The following ADAMTSL1 variants were observed in gnomAD, a reference collection of about 807,000 sequenced individuals.
The protein encoded by ADAMTSL1 is ADAMTS like 1.
Under a neutral mutation model 201.8 loss-of-function variants are expected in ADAMTSL1, and 126 were observed. The observed-to-expected ratio is 0.62, with a 90% CI of 0.54 to 0.72. The LOEUF is 0.72. Among genes scored for constraint, ADAMTSL1 ranks in the 30% least tolerant of loss-of-function variants. ADAMTSL1 has a pLI of 0.00. For missense variants in ADAMTSL1, 2,679 were observed against 2,277.8 expected (o/e 1.18, Z -3.59); for synonymous variants, 1,121 against 903.4 (o/e 1.24, Z -4.32).
At chr9:18,544,639 C>T (rs771436355) in intron 3 of ADAMTSL1, among the ~76,000 whole-genome samples, 4 of 152,102 alleles carry the variant, frequency 2.6e-5, no homozygotes, top group Non-Finnish European at 5.9e-5. Context: ...TTCCAGCTCA[C>T]TTGGGTGATG....
At chr9:18,783,760 T>G (rs1206572495) in intron 19 of ADAMTSL1, among the ~76,000 whole-genome samples, 2 of 152,188 alleles carry the variant, frequency 1.3e-5, no homozygotes, top group Non-Finnish European at 2.9e-5. Context: ...ACTTTTACAT[T>G]TTTAAAAGGT....
chr9:18,908,256 G>C (rs1234678690), intron 28 of ADAMTSL1, 186 bp from the exon 29 acceptor site: 2 of 614,294 alleles, frequency 3.3e-6, no homozygotes, highest in Admixed American at 2.4e-5. Context: ...CCCTGCTGTT[G>C]GCAGCCTTGG....
intron 23 of ADAMTSL1, among the ~76,000 whole-genome samples, chr9:18,886,415 T>G (rs976474701): frequency 6.6e-6 from 1 of 151,722 alleles, no homozygotes; most frequent in Non-Finnish European, 1.5e-5. Context: ...AAAAAATCCC[T>G]TCTCTCTATA....
intron 7 of ADAMTSL1, among the ~76,000 whole-genome samples, chr9:18,651,980 T>A (rs902315877): frequency 6.6e-6 from 1 of 152,136 alleles, no homozygotes; most frequent in East Asian, 1.9e-4. Context: ...TCCTATATAG[T>A]ATCTTCCCTC....
intron 23 of ADAMTSL1, among the ~76,000 whole-genome samples, chr9:18,842,553 T>A (rs1825791037): frequency 1.3e-5 from 2 of 152,204 alleles, no homozygotes; most frequent in Non-Finnish European, 2.9e-5. Flanking sequence ...ATCTATTAGG[T>A]CCGCTTGGTG....
chr9:18,097,941 C>T (rs1047540810), intron 1 of ADAMTSL1, among the ~76,000 whole-genome samples: 1 of 151,388 alleles, frequency 6.6e-6, no homozygotes, highest in African/African-American at 2.4e-5. Flanking sequence ...ATGCTTTTTC[C>T]AAAAGTTTTA....
chr9:18,109,994 A>C (rs138548225), intron 1 of ADAMTSL1, among the ~76,000 whole-genome samples: 209 of 152,318 alleles, frequency 1.4e-3, no homozygotes, highest in African/African-American at 4.7e-3. Flanking sequence ...AGAAAGAGAA[A>C]GAGGAACACA....
chr9:18,334,553 G>C (rs1314752238), intron 2 of ADAMTSL1, among the ~76,000 whole-genome samples: 3 of 152,132 alleles, frequency 2.0e-5, no homozygotes, highest in East Asian at 3.9e-4. Flanking sequence ...AGTCCTAATA[G>C]TGGTGCTATC....
rs140923553 is a variant in ADAMTSL1, at chr9:18,838,174, G to T, written c.4249+8197G>T. Among the ~76,000 whole-genome samples, 769 of 152,156 alleles carry T rather than the reference G, an allele frequency of 5.1e-3. 9 individuals are homozygous for T. The highest frequency in any genetic ancestry group is 0.017 in the African/African-American group (715 of 41,508). On this transcript the variant is annotated intron_variant, in intron 23 of 28. Coordinates refer to ENST00000380548, the MANE Select transcript of ADAMTSL1 (RefSeq NM_001040272.6). ...GGTGGCAGGCAAAGAGAGAGCTTAT[G>T]CAGGGAAAACTCTCATTTTTAAAAC...
chr9:17,939,228 T>C (rs941102375), intron 1 of ADAMTSL1, among the ~76,000 whole-genome samples: 1 of 152,120 alleles, frequency 6.6e-6, no homozygotes, highest in Non-Finnish European at 1.5e-5. Flanking sequence ...TACCTTTCTC[T>C]TGTAAACTAT....
chr9:18,525,777 G>A (rs766286753), intron 2 of ADAMTSL1, among the ~76,000 whole-genome samples: 2 of 152,062 alleles, frequency 1.3e-5, no homozygotes, highest in Non-Finnish European at 2.9e-5. Context: ...TTAATCCTGA[G>A]GTCTAGTTTG....
At chr9:18,386,842 G>T (rs919306979) in intron 2 of ADAMTSL1, among the ~76,000 whole-genome samples, 46 of 152,192 alleles carry the variant, frequency 3.0e-4, no homozygotes, top group African/African-American at 1.1e-3. Context: ...TTTTGAGAAA[G>T]CACAATGAGC....
chr9:18,824,690 C>CA (rs1280745537), intron 21 of ADAMTSL1, among the ~76,000 whole-genome samples: 7 of 75,706 alleles, frequency 9.2e-5, no homozygotes, highest in Non-Finnish European at 1.3e-4. Context: ...GGACTTGACC[C>CA]TTTTTTTTTT....
chr9:18,153,684 G>C (rs1226827739), intron 1 of ADAMTSL1, among the ~76,000 whole-genome samples: 2 of 151,996 alleles, frequency 1.3e-5, no homozygotes, highest in African/African-American at 4.8e-5. Context: ...GTAAAATGCA[G>C]AATGAGGAAT....
intron 2 of ADAMTSL1, among the ~76,000 whole-genome samples, chr9:18,192,623 C>T (rs962126516): frequency 1.3e-5 from 2 of 152,088 alleles, no homozygotes. Flanking sequence ...TTGGAGAAGA[C>T]ATTTCTAAAT....
intron 2 of ADAMTSL1, among the ~76,000 whole-genome samples, chr9:18,308,503 G>T (rs1170539020): frequency 6.6e-6 from 1 of 152,006 alleles, no homozygotes; most frequent in Non-Finnish European, 1.5e-5. Context: ...TGATAAAGAG[G>T]ATATCACCAC....
rs1159433454 is a variant in ADAMTSL1, at chr9:18,533,298, T to C, written c.237+6T>C. ...ACAGAACATGCAGTAATGTGGTAAGTATAAGGTTCTGAGATTGTAATCATG... is the reference window on the plus strand; with the variant it reads ...ACAGAACATGCAGTAATGTGGTAAGCATAAGGTTCTGAGATTGTAATCATG... On this transcript the variant is annotated splice_donor_region_variant and intron_variant, in intron 3 of 28. Coordinates refer to ENST00000380548, the MANE Select transcript of ADAMTSL1 (RefSeq NM_001040272.6). The C allele has an allele frequency of 6.2e-7, 1 of 1,606,048 alleles. No individual in the cohort carries two copies. Among genetic ancestry groups the C allele is most frequent in the Admixed American group, 1.7e-5 (1 of 59,218 alleles).
chr9:18,120,145 T>A (rs1825436422), intron 1 of ADAMTSL1, among the ~76,000 whole-genome samples: 1 of 152,182 alleles, frequency 6.6e-6, no homozygotes, highest in Non-Finnish European at 1.5e-5. Flanking sequence ...TGCAGCCATC[T>A]GAAAACTTGA....
chr9:18,879,505 C>A (rs1001598632), intron 23 of ADAMTSL1, among the ~76,000 whole-genome samples: 1 of 152,220 alleles, frequency 6.6e-6, no homozygotes, highest in Non-Finnish European at 1.5e-5. Flanking sequence ...AAAGCATATA[C>A]TGCAATAAAG....
Sources: allele counts gnomAD v4.1 joint callset (sites outside exome capture counted in the v4.1 genomes callset), GRCh38; gene constraint gnomAD v4.1.1; transcripts MANE v1.5; gene names NCBI Gene and HGNC (gene_info 2026-07-23, HGNC 2026-07-21).